PLBD1: variants seen among roughly 807,000 people sequenced by gnomAD.
PLBD1 encodes phospholipase B domain containing 1, also known as lysosomal leucine aminopeptidase.
Under a neutral mutation model 63.0 loss-of-function variants are expected in PLBD1, and 60 were observed. The ratio of observed to expected loss-of-function variants is 0.95; its 90% confidence interval spans 0.77 to 1.18. The LOEUF is 1.18. Among genes scored for constraint, PLBD1 ranks in the 50% most tolerant of loss-of-function variants. The pLI, the probability that PLBD1 is intolerant of heterozygous loss-of-function variation, is 0.00. For missense variants in PLBD1, 598 were observed against 677.9 expected, an observed-to-expected ratio of 0.88 and a Z score of 1.31; for synonymous variants, 262 against 248.0, an observed-to-expected ratio of 1.06 and a Z score of -0.53.
chr12:14,506,761 A>G (rs927758757), intron 9 of PLBD1, among the ~76,000 whole-genome samples, 172 bp downstream of exon 9: 4 of 151,886 alleles, frequency 2.6e-5, no homozygotes, highest in Non-Finnish European at 5.9e-5. Flanking sequence ...TTCATTTTAT[A>G]AAGGAGGCCA....
intron 6 of PLBD1, among the ~76,000 whole-genome samples, chr12:14,519,368 C>G (rs920953585): frequency 6.6e-6 from 1 of 152,068 alleles, no homozygotes; most frequent in African/African-American, 2.4e-5. Context: ...TGCCTGTAAT[C>G]CCAGCACTTT....
At chr12:14,535,995 A>G in intron 5 of PLBD1, 192 bp from the exon 6 acceptor site, 1 of 545,246 alleles carries the variant, frequency 1.8e-6, no homozygotes, top group Non-Finnish European at 3.1e-6. Context: ...TCCTTCTAAC[A>G]TTCAAAATGG....
chr12:14,504,012 TCC>T lies in PLBD1; in HGVS notation c.1480-60_1480-59del, dbSNP rs1271243290. The T allele has an allele frequency of 6.1e-6, 9 of 1,484,594 alleles. No homozygotes were observed. The Admixed American group carries it at 1.7e-4, about 28-fold the overall frequency. 92.0% of individuals were successfully genotyped at this position (1,484,594 alleles called of 1,614,324 possible). A position where few individuals can be genotyped will look rare whatever the true frequency, so the allele number is the denominator to read the frequency against. ...AATCATCGTTCAGCAAAAAATTAAATCCATGGCCTTCCCCACTCTCCCACTAC... is the reference window on the plus strand; with the variant it reads ...AATCATCGTTCAGCAAAAAATTAAATATGGCCTTCCCCACTCTCCCACTAC... On this transcript the variant is annotated intron_variant, in intron 10 of 10. Coordinates refer to ENST00000240617, the MANE Select transcript of PLBD1 (RefSeq NM_024829.6).
At chr12:14,547,000 C>T (rs1038879353) in intron 2 of PLBD1, among the ~76,000 whole-genome samples, 8 of 152,094 alleles carry the variant, frequency 5.3e-5, no homozygotes, top group Admixed American at 1.3e-4. Flanking sequence ...ACCGCCTTAG[C>T]CTCCCAAGTA....
In PLBD1 at chr12:14,567,661, C is replaced by T. The variant is rs1284251303; in HGVS notation, c.36G>A (p.Leu12=). 5.4e-6 allele frequency: 8 copies of T among 1,487,244 alleles called. No individual in the cohort carries two copies. In the East Asian group the frequency reaches 2.2e-4, roughly 42 times the overall value. 92.1% of individuals were successfully genotyped at this position (1,487,244 alleles called of 1,614,324 possible). ...GCAGCAGAAGCGGTGGCGGCTGTGG[C>T]AGCCCCGGGCGCCCGCCCGGACCGC... The part of the protein sequence containing the change: ...TRGGPGGRPG[L]PQPPPLLLLL... Residue 12 remains leucine, a synonymous_variant, in exon 1 of 11, where the codon CTG becomes CTA. Transcript: ENST00000240617.
At chr12:14,561,108 G>C (rs1463617047) in intron 1 of PLBD1, among the ~76,000 whole-genome samples, 1 of 151,160 alleles carries the variant, frequency 6.6e-6, no homozygotes, top group Admixed American at 6.6e-5. Context: ...GCAGGAAGTG[G>C]AAATAAAAGG....
chr12:14,555,363 C>T (rs1223109727), intron 1 of PLBD1, among the ~76,000 whole-genome samples: 1 of 152,074 alleles, frequency 6.6e-6, no homozygotes, highest in Non-Finnish European at 1.5e-5. Flanking sequence ...CATGGAGAAA[C>T]CTCGTCTCTA....
At chr12:14,565,763 G>A (rs1945775744) in intron 1 of PLBD1, among the ~76,000 whole-genome samples, 1 of 152,176 alleles carries the variant, frequency 6.6e-6, no homozygotes, top group African/African-American at 2.4e-5. Flanking sequence ...GTAGGACAAA[G>A]GAAACAGAGA....
At chr12:14,566,384 A>G (rs946238952) in intron 1 of PLBD1, among the ~76,000 whole-genome samples, 3 of 152,324 alleles carry the variant, frequency 2.0e-5, no homozygotes, top group African/African-American at 7.2e-5. Flanking sequence ...GAATCAGTAC[A>G]CATATTTAGG....
rs779973093 is a variant in PLBD1, at chr12:14,540,842, T to A, written c.480A>T (p.Arg160Ser). 1 of 1,611,436 alleles carries A rather than the reference T, an allele frequency of 6.2e-7. No homozygotes were observed. The highest frequency in any genetic ancestry group is 8.5e-7 in the Non-Finnish European group (1 of 1,178,152). ...IKEYKTDSFW[R>S]HTGYVMAQID... ...TTTGTGCCATCACATAGCCTGTATG[T>A]CTCCAAAATGAATCAGTCTTGTATT... is the stretch of plus-strand genomic sequence containing the variant. The change falls in exon 4 of 11, where the codon AGA becomes AGT. Residue 160 changes from arginine to serine, a missense_variant. By Grantham distance (110) the Arg-to-Ser change is moderately radical. Transcript: ENST00000240617.
At chr12:14,536,076 A>G in intron 5 of PLBD1, 1 of 343,228 alleles carries the variant, frequency 2.9e-6, no homozygotes, top group Non-Finnish European at 5.3e-6. Context: ...CAGGCGGATC[A>G]CTTGAGGTCA....
chr12:14,567,632 AG>A lies in PLBD1; in HGVS notation c.64del (p.Leu22CysfsTer8). The A allele has an allele frequency of 1.3e-6, 2 of 1,498,682 alleles. No individual in the cohort carries two copies. Among genetic ancestry groups the A allele is most frequent in the Non-Finnish European group, 1.8e-6 (2 of 1,131,732 alleles). 92.8% of individuals were successfully genotyped at this position (1,498,682 alleles called of 1,614,324 possible). A position where few individuals can be genotyped will look rare whatever the true frequency, so the allele number is the denominator to read the frequency against. On this transcript the variant is annotated frameshift_variant, in exon 1 of 11. Transcript: ENST00000240617. LOFTEE classifies it high-confidence loss of function. ...GACTAACAACAGCGGCAGCAGCAGC[AG>A]CAGCAGCAGAAGCGGTGGCGGCTGT... Reference protein sequence around the residue: ...LPQPPPLLLLLLLLPLLLVTA... With the variant: ...LPQPPPLLLLXLLLPLLLVTA...
rs1555147086 is a variant in PLBD1, at chr12:14,540,013, C to CTTAT, written c.558+750_558+751insATAA. ...AAAAAGTTCAAAGAAAAGCTATGCA[C>CTTAT]ATATATATATATATATATATATATA... is the stretch of plus-strand genomic sequence containing the variant. On this transcript the variant is annotated intron_variant, in intron 4 of 10. Coordinates refer to ENST00000240617, the MANE Select transcript of PLBD1 (RefSeq NM_024829.6). Among the ~76,000 whole-genome samples, 146 of 22,736 alleles carry CTTAT rather than the reference C, an allele frequency of 6.4e-3. 4 individuals are homozygous for CTTAT. The highest frequency in any genetic ancestry group is 0.013 in the African/African-American group (136 of 10,208). 14.9% of individuals were successfully genotyped at this position (22,736 alleles called of 152,430 possible). A position where few individuals can be genotyped will look rare whatever the true frequency, so the allele number is the denominator to read the frequency against.
chr12:14,517,178 G>A (rs756496659), intron 6 of PLBD1, among the ~76,000 whole-genome samples: 2 of 152,118 alleles, frequency 1.3e-5, no homozygotes, highest in Non-Finnish European at 1.5e-5. Flanking sequence ...GACAGGCCAT[G>A]CTCTGTCGCC....
In PLBD1 at chr12:14,507,057, T is replaced by G; in HGVS notation, c.1248A>C (p.Pro416=). The G allele has an allele frequency of 6.2e-7, 1 of 1,613,814 alleles. No individual in the cohort carries two copies. Among genetic ancestry groups the G allele is most frequent in the Non-Finnish European group, 8.5e-7 (1 of 1,179,798 alleles). Residue 416 remains proline, a synonymous_variant, in exon 9 of 11, where the codon CCA becomes CCC. Transcript: ENST00000240617. ...HEKIYNWSGY[P]LLVQKLGLDY... ...CCAAGCCCAGCTTCTGAACTAACAG[T>G]GGATAGCCACTCCAGTTGTAGATTT...
intron 2 of PLBD1, among the ~76,000 whole-genome samples, chr12:14,547,340 C>T (rs1945623961): frequency 1.3e-5 from 2 of 152,152 alleles, no homozygotes; most frequent in Admixed American, 1.3e-4. Flanking sequence ...GGAATACAAT[C>T]TTCTTGCAGT....
intron 6 of PLBD1, chr12:14,533,186 T>C (rs531458428): frequency 6.6e-6 from 1 of 152,246 alleles, no homozygotes; most frequent in Non-Finnish European, 1.5e-5. Flanking sequence ...CATAGTTCTA[T>C]GTCATGTCTA....
intron 1 of PLBD1, among the ~76,000 whole-genome samples, chr12:14,558,328 C>T (rs910796339): frequency 9.9e-5 from 15 of 152,014 alleles, no homozygotes; most frequent in African/African-American, 2.7e-4. Flanking sequence ...CAATAAACTG[C>T]GGGTGACAAA....
At position 14,540,892 on chromosome 12, in the gene PLBD1, T is replaced by C. The variant is rs559339368; in HGVS notation, c.430A>G (p.Lys144Glu). The C allele has an allele frequency of 9.4e-6, 15 of 1,596,726 alleles. 1 individual carries two copies. In the South Asian group the frequency reaches 1.6e-4, roughly 17 times the overall value. The change falls in exon 4 of 11, where the codon AAG becomes GAG. Residue 144 changes from lysine to glutamate, a missense_variant. Transcript: ENST00000240617. The part of the protein sequence containing the change: ...KVQDFMEKQD[K>E]WTRKNIKEYK... ...TCTTTGATATTTTTCCGGGTCCACT[T>C]ATCTTGCTTCCTGGAAGAGAAATTA...
Sources: allele counts gnomAD v4.1 joint callset (sites outside exome capture counted in the v4.1 genomes callset), GRCh38; gene constraint gnomAD v4.1.1; transcripts MANE v1.5; gene names NCBI Gene and HGNC (gene_info 2026-07-23, HGNC 2026-07-21).